The following PACRG variants were observed in gnomAD, a reference collection of about 807,000 sequenced individuals.
The protein encoded by PACRG is parkin coregulated gene protein.
In PACRG, 29 loss-of-function variants were observed where a neutral mutation model predicts 29.7. The ratio of observed to expected loss-of-function variants is 0.98; its 90% CI spans 0.73 to 1.33. PACRG has a LOEUF of 1.33. PACRG is among the 40% of genes most tolerant of loss of function. PACRG has a pLI of 0.00. For synonymous variants in PACRG, 116 were observed against 118.7 expected (o/e 0.98, Z 0.15); for missense variants, 279 against 316.2 (o/e 0.88, Z 0.89).
intron 4 of PACRG, among the ~76,000 whole-genome samples, chr6:163,193,842 A>G (rs115131225): frequency 0.012 from 1,775 of 151,530 alleles, 39 homozygotes; most frequent in African/African-American, 0.041. Flanking sequence ...ATAGAATCAG[A>G]GACTTTTTCA....
chr6:163,274,393 G>C (rs1484369872), intron 4 of PACRG, among the ~76,000 whole-genome samples: 1 of 152,142 alleles, frequency 6.6e-6, no homozygotes, highest in Non-Finnish European at 1.5e-5. Flanking sequence ...AGTGTTCCAT[G>C]GTGTTTATGT....
intron 2 of PACRG, among the ~76,000 whole-genome samples, chr6:162,985,791 G>A (rs553241860): frequency 1.7e-4 from 26 of 152,060 alleles, no homozygotes; most frequent in African/African-American, 5.8e-4. Flanking sequence ...TAATATGATT[G>A]TATACCTAGA....
intron 4 of PACRG, among the ~76,000 whole-genome samples, chr6:163,241,984 G>A (rs1782526409): frequency 6.6e-6 from 1 of 152,168 alleles, no homozygotes; most frequent in African/African-American, 2.4e-5. Context: ...AAACAGTCAT[G>A]TCACTGCCTA....
At chr6:162,762,843 A>G (rs1782485300) in intron 1 of PACRG, among the ~76,000 whole-genome samples, 2 of 152,382 alleles carry the variant, frequency 1.3e-5, no homozygotes, top group African/African-American at 4.8e-5. Flanking sequence ...GTTTTACAAC[A>G]AAGTATAACT....
At chr6:163,240,081 CA>C (rs1333323090) in intron 4 of PACRG, among the ~76,000 whole-genome samples, 11 of 137,456 alleles carry the variant, frequency 8.0e-5, no homozygotes, top group African/African-American at 2.1e-4. Flanking sequence ...TCCACCCCCC[CA>C]CACACACTCA....
chr6:162,751,148 A>G (rs1781485565), intron 1 of PACRG, among the ~76,000 whole-genome samples: 1 of 150,256 alleles, frequency 6.7e-6, no homozygotes, highest in African/African-American at 2.4e-5. Flanking sequence ...GCCATTTTAG[A>G]AATGATTTTT....
chr6:162,862,680 T>TA (rs1156788958), intron 2 of PACRG, among the ~76,000 whole-genome samples: 2 of 152,210 alleles, frequency 1.3e-5, no homozygotes, highest in East Asian at 1.9e-4. Context: ...TGCTTTCAGA[T>TA]ACGTTTCTCA....
intron 3 of PACRG, among the ~76,000 whole-genome samples, chr6:163,069,242 C>A (rs1195390651): frequency 6.8e-6 from 1 of 146,648 alleles, no homozygotes; most frequent in Non-Finnish European, 1.5e-5. Context: ...TTTCAATGCC[C>A]AGACGTCAAG....
chr6:163,144,785 A>G (rs1777729530), intron 4 of PACRG, among the ~76,000 whole-genome samples: 2 of 152,170 alleles, frequency 1.3e-5, no homozygotes, highest in Admixed American at 1.3e-4. Context: ...AAAAAAAAGT[A>G]AGCACAGATA....
intron 4 of PACRG, among the ~76,000 whole-genome samples, chr6:163,295,870 TACATAAA>T (rs574510666): frequency 1.3e-3 from 203 of 152,262 alleles, no homozygotes; most frequent in African/African-American, 4.8e-3. Context: ...TGAAGGAGCA[TACATAAA>T]ACTCCTAGCC....
intron 2 of PACRG, among the ~76,000 whole-genome samples, chr6:162,817,874 T>G (rs1224355053): frequency 2.0e-5 from 3 of 152,162 alleles, no homozygotes; most frequent in Admixed American, 2.0e-4. Context: ...TATCATAAAT[T>G]TATTAGTAAA....
intron 2 of PACRG, among the ~76,000 whole-genome samples, chr6:162,905,960 G>T (rs1298633684): frequency 6.6e-6 from 1 of 152,164 alleles, no homozygotes; most frequent in Non-Finnish European, 1.5e-5. Flanking sequence ...AGAAAATGCA[G>T]CATGGGAGCC....
intron 4 of PACRG, among the ~76,000 whole-genome samples, chr6:163,257,883 GGC>G (rs1362083672): frequency 2.0e-5 from 3 of 152,052 alleles, no homozygotes; most frequent in Non-Finnish European, 4.4e-5. Flanking sequence ...TAATTAACAA[GGC>G]TATTAATTTT....
Position 163,144,233 on chromosome 6 carries a change from CA to C in PACRG, c.613+54841del, listed in dbSNP as rs754157729. 1.6e-3 allele frequency among the ~76,000 whole-genome samples: 161 copies of C among 101,916 alleles called. 1 individual carries two copies. The highest frequency in any genetic ancestry group is 3.2e-3 in the East Asian group (10 of 3,172). The allele number at this position is 101,916 out of a possible 152,430, so 66.9% of individuals were successfully genotyped here. Reference sequence around the variant, plus strand: ...GACAGAGTGAGACTCCGTCTCAAAACAAAAAAAAAAAAAAAAGGGAAAAGTA... The same window carrying C: ...GACAGAGTGAGACTCCGTCTCAAAACAAAAAAAAAAAAAAAGGGAAAAGTA... On this transcript the variant is annotated intron_variant, in intron 4 of 4. Coordinates refer to ENST00000366888, the MANE Select transcript of PACRG (RefSeq NM_001080379.2).
chr6:163,026,707 T>A (rs1807166113), intron 2 of PACRG, among the ~76,000 whole-genome samples: 2 of 152,200 alleles, frequency 1.3e-5, no homozygotes, highest in Non-Finnish European at 2.9e-5. Context: ...ATTATGCCCA[T>A]CCTGTGCCAA....
intron 2 of PACRG, among the ~76,000 whole-genome samples, chr6:162,858,112 A>G (rs757082600): frequency 6.6e-6 from 1 of 152,206 alleles, no homozygotes; most frequent in Non-Finnish European, 1.5e-5. Context: ...ATGTCTAACT[A>G]TATGTATTAG....
intron 2 of PACRG, among the ~76,000 whole-genome samples, chr6:163,049,298 T>G (rs897226641): frequency 1.3e-5 from 2 of 151,826 alleles, no homozygotes; most frequent in African/African-American, 4.8e-5. Flanking sequence ...CTAAAAACAA[T>G]CCACAGTTGG....
intron 2 of PACRG, among the ~76,000 whole-genome samples, chr6:162,958,229 A>C (rs1274404915): frequency 6.6e-6 from 1 of 152,194 alleles, no homozygotes; most frequent in African/African-American, 2.4e-5. Flanking sequence ...TTGGAAAACT[A>C]TGCCAGCCTT....
chr6:162,888,059 A>G (rs1158124414), intron 2 of PACRG, among the ~76,000 whole-genome samples: 1 of 151,882 alleles, frequency 6.6e-6, no homozygotes, highest in Admixed American at 6.6e-5. Flanking sequence ...CCTCAGGAGG[A>G]GATGAACGTC....
Sources: allele counts gnomAD v4.1 joint callset (sites outside exome capture counted in the v4.1 genomes callset), GRCh38; gene constraint gnomAD v4.1.1; transcripts MANE v1.5; gene names NCBI Gene and HGNC (gene_info 2026-07-23, HGNC 2026-07-21).